RIC1: variants seen among roughly 807,000 people sequenced by gnomAD.
The protein encoded by RIC1 is RIC1 partner of RAB6A GEF complex.
Under a neutral mutation model 169.0 loss-of-function variants are expected in RIC1, and 88 were observed. The ratio of observed to expected loss-of-function variants is 0.52; its 90% CI spans 0.44 to 0.62. The LOEUF (loss-of-function observed/expected upper bound fraction) is 0.62, where lower values mean the gene tolerates loss of function less well. Among genes scored for constraint, RIC1 ranks in the 20% least tolerant of loss-of-function variants. The pLI is 0.00. For missense variants in RIC1, 1,877 were observed against 1,725.5 expected, an observed-to-expected ratio of 1.09 and a Z score of -1.56; for synonymous variants, 790 against 601.5, an observed-to-expected ratio of 1.31 and a Z score of -4.59.
chr9:5,680,677 G>T (rs1014394195), intron 2 of RIC1, among the ~76,000 whole-genome samples: 7 of 152,120 alleles, frequency 4.6e-5, no homozygotes, highest in Non-Finnish European at 1.0e-4. Context: ...TTGTATTTCT[G>T]TGGGATTGGT....
At chr9:5,655,895 C>T (rs188834766) in intron 1 of RIC1, among the ~76,000 whole-genome samples, 32 of 152,154 alleles carry the variant, frequency 2.1e-4, no homozygotes, top group African/African-American at 6.7e-4. Context: ...GAGACAGAGT[C>T]TCGCTTTGTC....
At chr9:5,631,842 T>G (rs1372418122) in intron 1 of RIC1, among the ~76,000 whole-genome samples, 1 of 152,226 alleles carries the variant, frequency 6.6e-6, no homozygotes, top group Non-Finnish European at 1.5e-5. Context: ...GTTTTCATTT[T>G]GATTTTCTAA....
chr9:5,653,027 C>T (rs1234143813), intron 1 of RIC1, among the ~76,000 whole-genome samples: 1 of 152,120 alleles, frequency 6.6e-6, no homozygotes, highest in East Asian at 1.9e-4. Context: ...TGTGCTGAAC[C>T]ATCCTTGCAT....
intron 3 of RIC1, 126 bp from the exon 4 acceptor site, chr9:5,713,770 G>C (rs1300061246): frequency 1.9e-6 from 1 of 535,992 alleles, no homozygotes; most frequent in African/African-American, 1.9e-5. Flanking sequence ...TTTCATTTGA[G>C]AATCTGAAGG....
At chr9:5,692,209 CAGAT>C (rs1398380040) in intron 3 of RIC1, among the ~76,000 whole-genome samples, 1 of 152,062 alleles carries the variant, frequency 6.6e-6, no homozygotes, top group Non-Finnish European at 1.5e-5. Flanking sequence ...GCTTTGGTGT[CAGAT>C]AGACCTGAAA....
intron 2 of RIC1, among the ~76,000 whole-genome samples, chr9:5,659,454 G>A (rs74355531): frequency 0.028 from 4,253 of 152,154 alleles, 173 homozygotes; most frequent in African/African-American, 0.088. Context: ...TCATAATGTC[G>A]TAAGTTGAAC....
At chr9:5,733,526 A>C (rs988516921) in intron 7 of RIC1, among the ~76,000 whole-genome samples, 1 of 152,072 alleles carries the variant, frequency 6.6e-6, no homozygotes, top group Non-Finnish European at 1.5e-5. Flanking sequence ...GGCCTCCCAC[A>C]GTGCTGGATT....
chr9:5,766,252 G>A (rs1826736600), intron 21 of RIC1, among the ~76,000 whole-genome samples: 1 of 152,154 alleles, frequency 6.6e-6, no homozygotes, highest in Non-Finnish European at 1.5e-5. Flanking sequence ...ATGTTGCCCA[G>A]GCTAGTCTCG....
In RIC1 at chr9:5,769,417, G is replaced by T. The variant is rs776135728; in HGVS notation, c.3424+161G>T. ...ACATGAGTTGGAATGCCCACTGTTT[G>T]ACCAAAGATGTAAATAAAGTAGAAC... On this transcript the variant is annotated intron_variant, in intron 22 of 25. Coordinates refer to ENST00000414202, the MANE Select transcript of RIC1 (RefSeq NM_020829.4). The T allele has an allele frequency of 2.6e-6, 4 of 1,549,494 alleles. No individual in the cohort carries two copies. The South Asian group carries it at 4.8e-5, about 18-fold the overall frequency.
chr9:5,724,668 C>T (rs948188846), intron 6 of RIC1, among the ~76,000 whole-genome samples: 1 of 152,112 alleles, frequency 6.6e-6, no homozygotes, highest in Non-Finnish European at 1.5e-5. Context: ...CCAGTTTTTG[C>T]CCATTCAGTA....
At chr9:5,708,336 G>A (rs1011098589) in intron 3 of RIC1, among the ~76,000 whole-genome samples, 2 of 151,952 alleles carry the variant, frequency 1.3e-5, no homozygotes, top group African/African-American at 4.8e-5. Context: ...AAATACTGCT[G>A]GCTTTTATAT....
In RIC1 at chr9:5,773,956, A is replaced by G; in HGVS notation, c.3984-2A>G. 6.3e-7 allele frequency: 1 copy of G among 1,581,150 alleles called. No homozygotes were observed. The highest frequency in any genetic ancestry group is 8.6e-7 in the Non-Finnish European group (1 of 1,165,748). ...GAGCTAATGTTTTTTTTCTCTACAT[A>G]GTCCTGGATATAAGCCATTTTTAAA... is the stretch of plus-strand genomic sequence containing the variant. On this transcript the variant is annotated splice_acceptor_variant, in intron 25 of 25. Coordinates refer to ENST00000414202, the MANE Select transcript of RIC1 (RefSeq NM_020829.4). LOFTEE classifies it high-confidence loss of function.
chr9:5,755,021 CTG>C lies in RIC1; in HGVS notation c.1692+92_1692+93del, dbSNP rs1825924104. The C allele has an allele frequency of 5.7e-5, 43 of 753,210 alleles. 1 individual carries two copies. The South Asian group carries it at 1.3e-3, about 22-fold the overall frequency. 46.7% of individuals were successfully genotyped at this position (753,210 alleles called of 1,614,324 possible). On this transcript the variant is annotated intron_variant, in intron 15 of 25. Transcript: ENST00000414202. ...TATATAGAAAATAGTCGATTGAAAACTGAACAAAACATTTTATTTTTTAATCA... is the reference window on the plus strand; with the variant it reads ...TATATAGAAAATAGTCGATTGAAAACAACAAAACATTTTATTTTTTAATCA...
intron 3 of RIC1, among the ~76,000 whole-genome samples, chr9:5,709,151 A>G (rs1291668531): frequency 6.6e-6 from 1 of 151,878 alleles, no homozygotes; most frequent in Non-Finnish European, 1.5e-5. Context: ...AATGACACAA[A>G]TCACTTCCCC....
rs770491180 is a variant in RIC1, at chr9:5,689,950, C to G, written c.253-9C>G. ...CTTTAATTCATGATTAATAAAATTTCTCTTTCAGACGGCAAATGGATACAT... is the reference window on the plus strand; with the variant it reads ...CTTTAATTCATGATTAATAAAATTTGTCTTTCAGACGGCAAATGGATACAT... On this transcript the variant is annotated splice_polypyrimidine_tract_variant and intron_variant, in intron 2 of 25. Transcript: ENST00000414202. 30 of 1,561,430 alleles carry G rather than the reference C, an allele frequency of 1.9e-5. No homozygotes were observed. Among genetic ancestry groups the G allele is most frequent in the Non-Finnish European group, 2.5e-5 (29 of 1,144,136 alleles).
At chr9:5,682,510 G>A (rs549065877) in intron 2 of RIC1, among the ~76,000 whole-genome samples, 1 of 152,092 alleles carries the variant, frequency 6.6e-6, no homozygotes, top group Non-Finnish European at 1.5e-5. Flanking sequence ...GGCTTGTCGA[G>A]TTTCTGCCAA....
chr9:5,762,499 G>A (rs374067598), intron 17 of RIC1, 42 bp from the exon 18 acceptor site: 35 of 1,608,322 alleles, frequency 2.2e-5, no homozygotes, highest in South Asian at 5.5e-5. Flanking sequence ...AAAGCATACC[G>A]ATACAGAAGT....
intron 10 of RIC1, among the ~76,000 whole-genome samples, 182 bp from the exon 11 acceptor site, chr9:5,745,749 G>A (rs1174134034): frequency 6.6e-6 from 1 of 152,120 alleles, no homozygotes; most frequent in Admixed American, 6.5e-5. Context: ...ATTTCCTCTG[G>A]AGTTAGTTAA....
At chr9:5,754,959 T>A in intron 15 of RIC1, 29 bp downstream of exon 15, 1 of 1,367,134 alleles carries the variant, frequency 7.3e-7, no homozygotes, top group East Asian at 2.3e-5. Flanking sequence ...AAATAACAGA[T>A]TTTTATATTT....
Sources: gnomAD v4.1 joint callset for allele counts (sites outside exome capture counted in the v4.1 genomes callset) on GRCh38, gnomAD v4.1.1 for gene constraint, MANE v1.5 for transcripts, NCBI Gene and HGNC (gene_info 2026-07-23, HGNC 2026-07-21) for gene names.